PVT1: variants seen among roughly 807,000 people sequenced by gnomAD.
PVT1 encodes CXCR4/PVT1 fusion.
chr8:128,068,902 C>G (rs1314994871), intron 4 of PVT1, among the ~76,000 whole-genome samples: 1 of 152,224 alleles, frequency 6.6e-6, no homozygotes, highest in Non-Finnish European at 1.5e-5. Flanking sequence ...GCATCAAAGC[C>G]TTACTTTGAC....
At chr8:128,038,958 A>G (rs1437154349) in intron 4 of PVT1, among the ~76,000 whole-genome samples, 1 of 152,174 alleles carries the variant, frequency 6.6e-6, no homozygotes, top group Admixed American at 6.6e-5. Context: ...GGGACCTTGC[A>G]GCCATTGTGT....
chr8:127,882,278 G>A (rs184359401), intron 2 of PVT1, among the ~76,000 whole-genome samples: 87 of 152,194 alleles, frequency 5.7e-4, no homozygotes, highest in African/African-American at 1.9e-3. Context: ...GAAGTGAAAC[G>A]AAGCAAAAAT....
chr8:127,937,806 G>C (rs892443304), intron 3 of PVT1, among the ~76,000 whole-genome samples: 13 of 152,268 alleles, frequency 8.5e-5, no homozygotes, highest in Non-Finnish European at 1.6e-4. Context: ...TCGAACAAGG[G>C]CATTATTTAT....
chr8:127,893,824 C>T (rs1815641064), intron 3 of PVT1, among the ~76,000 whole-genome samples: 1 of 152,216 alleles, frequency 6.6e-6, no homozygotes, highest in South Asian at 2.1e-4. Flanking sequence ...GTATCACTTA[C>T]TCTGGGATGA....
intron 4 of PVT1, among the ~76,000 whole-genome samples, chr8:128,011,166 T>C (rs1817309496): frequency 6.6e-6 from 1 of 152,200 alleles, no homozygotes; most frequent in Non-Finnish European, 1.5e-5. Flanking sequence ...GGCAATCAAA[T>C]TGATTTCCTC....
At chr8:127,794,534 T>A (rs1814371502), upstream of PVT1, 1 of 151,162 alleles carries the variant, frequency 6.6e-6, no homozygotes, top group African/African-American at 2.4e-5. Context: ...CCCGCGCTCC[T>A]CCGGGCAGAG....
At chr8:127,986,171 G>A (rs1201006479) in intron 3 of PVT1, among the ~76,000 whole-genome samples, 3 of 152,212 alleles carry the variant, frequency 2.0e-5, no homozygotes, top group African/African-American at 7.2e-5. Context: ...CTGCCTCTCG[G>A]CCTGTAGAGA....
At chr8:127,920,757 T>TA (rs372244805) in intron 3 of PVT1, among the ~76,000 whole-genome samples, 5 of 151,424 alleles carry the variant, frequency 3.3e-5, no homozygotes, top group East Asian at 3.9e-4. Flanking sequence ...ATTGATTTGC[T>TA]AAAAAAAAAT....
At chr8:127,808,771 T>C (rs2129655590) in intron 2 of PVT1, among the ~76,000 whole-genome samples, 1 of 152,144 alleles carries the variant, frequency 6.6e-6, no homozygotes, top group African/African-American at 2.4e-5. Flanking sequence ...GGCTCATGCC[T>C]GTAATCCCAG....
intron 2 of PVT1, among the ~76,000 whole-genome samples, chr8:127,881,272 T>G (rs1815463574): frequency 6.6e-6 from 1 of 152,040 alleles, no homozygotes; most frequent in Non-Finnish European, 1.5e-5. Context: ...TTTGACTATC[T>G]GCTTGTGTTG....
chr8:127,816,031 G>A (rs967933323), intron 2 of PVT1, among the ~76,000 whole-genome samples: 2 of 152,152 alleles, frequency 1.3e-5, no homozygotes, highest in Non-Finnish European at 2.9e-5. Flanking sequence ...GGCTGAGGGA[G>A]GAGAATCTCT....
In PVT1 at chr8:128,021,349, G is replaced by C. The variant is rs575405732; in HGVS notation, n.912+32058G>C. On this transcript the variant is annotated intron_variant and non_coding_transcript_variant, in intron 4 of 10. Transcript: ENST00000651587. ...AGCTCTGTTGCTCAGGCTGGAGCAC[G>C]GTGGCGCAATCTTGGCTCACTGCAA... Among the ~76,000 whole-genome samples, 7 of 133,050 alleles carry C rather than the reference G, an allele frequency of 5.3e-5. No homozygotes were observed. In the South Asian group the frequency reaches 1.5e-3, roughly 28 times the overall value. 87.3% of individuals were successfully genotyped at this position (133,050 alleles called of 152,430 possible).
chr8:127,826,952 G>C (rs983446702), intron 2 of PVT1, among the ~76,000 whole-genome samples: 1 of 151,404 alleles, frequency 6.6e-6, no homozygotes, highest in African/African-American at 2.4e-5. Flanking sequence ...ACGTGCCCTG[G>C]ATCCTGGCCA....
chr8:127,997,385 C>T (rs1469434519), intron 4 of PVT1, among the ~76,000 whole-genome samples: 1 of 152,106 alleles, frequency 6.6e-6, no homozygotes, highest in Admixed American at 6.5e-5. Flanking sequence ...TAATTGAAAG[C>T]AGGGGCCTGG....
chr8:127,998,858 T>TCA (rs1420354484), intron 4 of PVT1, among the ~76,000 whole-genome samples: 2 of 142,164 alleles, frequency 1.4e-5, no homozygotes. Context: ...CCTCCCTCCC[T>TCA]CTCTCTCTCT....
chr8:128,018,826 C>T (rs1183308400), intron 4 of PVT1, among the ~76,000 whole-genome samples: 1 of 152,202 alleles, frequency 6.6e-6, no homozygotes, highest in Admixed American at 6.5e-5. Context: ...CCTCCTCCCC[C>T]CACCACTTAA....
In PVT1 at chr8:127,887,969, C is replaced by T. The variant is rs184300993; in HGVS notation, n.373-2620C>T. 2.8e-4 allele frequency among the ~76,000 whole-genome samples: 27 copies of T among 97,994 alleles called. No individual in the cohort carries two copies. In the East Asian group the frequency reaches 9.1e-3, roughly 33 times the overall value. The allele number at this position is 97,994 out of a possible 152,430, so 64.3% of individuals were successfully genotyped here. On this transcript the variant is annotated intron_variant and non_coding_transcript_variant, in intron 2 of 10. Coordinates refer to ENST00000651587, the Ensembl canonical transcript of PVT1. ...TTTTTTTTTTTTTTTGAGACTGAAT[C>T]TCACTCTGTCACCTAGGCTAGAGTG...
At chr8:127,856,399 T>C (rs570802010) in intron 2 of PVT1, among the ~76,000 whole-genome samples, 123 of 151,438 alleles carry the variant, frequency 8.1e-4, no homozygotes, top group Non-Finnish European at 1.5e-3. Flanking sequence ...TGGAGTGCAA[T>C]GGCATGAACT....
At chr8:127,872,693 G>T (rs1413936526) in intron 2 of PVT1, among the ~76,000 whole-genome samples, 1 of 152,210 alleles carries the variant, frequency 6.6e-6, no homozygotes, top group African/African-American at 2.4e-5. Context: ...CTTTGGCAGA[G>T]AATTTCAATG....
Sources: allele counts gnomAD v4.1 joint callset (sites outside exome capture counted in the v4.1 genomes callset), GRCh38; gene constraint gnomAD v4.1.1; transcripts MANE v1.5; gene names NCBI Gene and HGNC (gene_info 2026-07-23, HGNC 2026-07-21).